IGF2R: variants seen among roughly 807,000 people sequenced by gnomAD.
IGF2R encodes the protein insulin like growth factor 2 receptor.
Under a neutral mutation model 270.6 loss-of-function variants are expected in IGF2R, and 91 were observed. The ratio of observed to expected loss-of-function variants is 0.34; its 90% confidence interval spans 0.28 to 0.40. The LOEUF is 0.40. Among genes scored for constraint, IGF2R ranks in the 10% least tolerant of loss-of-function variants. The pLI is 1.00. For missense variants in IGF2R, 2,805 were observed against 3,188.3 expected, an observed-to-expected ratio of 0.88 and a Z score of 2.90; for synonymous variants, 1,316 against 1,258.9, an observed-to-expected ratio of 1.05 and a Z score of -0.96.
chr6:160,081,806 C>T (rs140764310), intron 39 of IGF2R, among the ~76,000 whole-genome samples: 2 of 152,356 alleles, frequency 1.3e-5, no homozygotes, highest in East Asian at 3.9e-4. Context: ...AAATATGGCT[C>T]TGTCCTCACC....
At chr6:160,066,910 C>T (rs1778596764) in intron 29 of IGF2R, among the ~76,000 whole-genome samples, 1 of 152,222 alleles carries the variant, frequency 6.6e-6, no homozygotes, top group African/African-American at 2.4e-5. Flanking sequence ...GGTTTGGGCA[C>T]TCCTCCTCTC....
intron 2 of IGF2R, among the ~76,000 whole-genome samples, chr6:160,001,344 C>A (rs895934889): frequency 3.9e-5 from 6 of 151,966 alleles, no homozygotes; most frequent in African/African-American, 1.4e-4. Context: ...TTGTCAGTGT[C>A]TCCCATCACC....
At chr6:160,098,767 C>A (rs564919381) in intron 45 of IGF2R, among the ~76,000 whole-genome samples, 21 of 152,132 alleles carry the variant, frequency 1.4e-4, no homozygotes, top group African/African-American at 4.3e-4. Flanking sequence ...TGCAGTGAGC[C>A]GAGATGGCGT....
chr6:160,029,874 T>G (rs775970428), intron 7 of IGF2R, among the ~76,000 whole-genome samples: 5 of 152,212 alleles, frequency 3.3e-5, no homozygotes, highest in Non-Finnish European at 5.9e-5. Context: ...GCCTTTTGCT[T>G]TTTTACAGCA....
chr6:160,021,449 G>C (rs1031156305), intron 4 of IGF2R, among the ~76,000 whole-genome samples: 3 of 112,464 alleles, frequency 2.7e-5, no homozygotes, highest in Non-Finnish European at 3.5e-5. Context: ...GTTGTGGGGT[G>C]GGGGGCGGGG....
intron 20 of IGF2R, among the ~76,000 whole-genome samples, chr6:160,057,729 A>G (rs1778344751): frequency 6.6e-6 from 1 of 152,192 alleles, no homozygotes; most frequent in Admixed American, 6.5e-5. Flanking sequence ...TGAGTCTTAT[A>G]TTTCCTCTCC....
rs781647023 is a variant in IGF2R, at chr6:160,104,876, C to G, written c.7268C>G (p.Ser2423Trp). 4 of 1,614,132 alleles carry G rather than the reference C, an allele frequency of 2.5e-6. No homozygotes were observed. Among genetic ancestry groups the G allele is most frequent in the Non-Finnish European group, 1.7e-6 (2 of 1,180,022 alleles). The change falls in exon 48 of 48, where the codon TCG becomes TGG. Residue 2423 changes from serine to tryptophan, a missense_variant. Physicochemically the swap from Ser to Trp is radical, Grantham distance 177 (BLOSUM62 -3). Coordinates refer to ENST00000356956, the MANE Select transcript of IGF2R (RefSeq NM_000876.4). ...VLTIPEVKVHSGRGAGAESSH... is the reference protein window; with the variant it reads ...VLTIPEVKVHWGRGAGAESSH... ...ACCATCCCAGAGGTGAAAGTTCACT[C>G]GGGCAGGGGAGCTGGGGCAGAGAGC...
chr6:159,987,132 T>C (rs1423922158), intron 1 of IGF2R, among the ~76,000 whole-genome samples: 1 of 152,252 alleles, frequency 6.6e-6, no homozygotes, highest in Non-Finnish European at 1.5e-5. Flanking sequence ...GCCTTTAATC[T>C]GAAAAGAAAT....
intron 4 of IGF2R, among the ~76,000 whole-genome samples, chr6:160,019,723 C>T (rs1777388923): frequency 6.6e-6 from 1 of 152,100 alleles, no homozygotes; most frequent in Admixed American, 6.5e-5. Context: ...CTGACCATCT[C>T]AGGAGATACA....
chr6:160,073,135 G>C, intron 33 of IGF2R, 78 bp from the exon 34 acceptor site: 3 of 1,565,218 alleles, frequency 1.9e-6, no homozygotes, highest in Middle Eastern at 1.7e-4. Context: ...TGATGGTCCT[G>C]ACTTGCGAAA....
At position 160,089,313 on chromosome 6, in the gene IGF2R, C is replaced by G; in HGVS notation, c.6467+60C>G. ...GTGTTCAAAATTAAACCAGCAATGCCGCTCTTTCCCTATCGGGGAGCACTG... is the reference window on the plus strand; with the variant it reads ...GTGTTCAAAATTAAACCAGCAATGCGGCTCTTTCCCTATCGGGGAGCACTG... On this transcript the variant is annotated intron_variant, in intron 43 of 47. Coordinates refer to ENST00000356956, the MANE Select transcript of IGF2R (RefSeq NM_000876.4). 2.7e-6 allele frequency: 4 copies of G among 1,473,460 alleles called. No individual in the cohort carries two copies. In the South Asian group the frequency reaches 3.7e-5, roughly 14 times the overall value. 91.3% of individuals were successfully genotyped at this position (1,473,460 alleles called of 1,614,324 possible). A position where few individuals can be genotyped will look rare whatever the true frequency, so the allele number is the denominator to read the frequency against.
intron 44 of IGF2R, among the ~76,000 whole-genome samples, chr6:160,090,791 G>A (rs1488126930): frequency 6.6e-6 from 1 of 152,276 alleles, no homozygotes; most frequent in Non-Finnish European, 1.5e-5. Context: ...TGCCGATCAT[G>A]TCCTCTGGGA....
At chr6:160,098,112 A>G (rs1583306404) in intron 45 of IGF2R, among the ~76,000 whole-genome samples, 1 of 152,338 alleles carries the variant, frequency 6.6e-6, no homozygotes, top group East Asian at 1.9e-4. Flanking sequence ...GAGAGGCTAC[A>G]GCTGCCATGA....
At chr6:159,980,722 C>T (rs1762074132) in intron 1 of IGF2R, among the ~76,000 whole-genome samples, 3 of 151,954 alleles carry the variant, frequency 2.0e-5, no homozygotes, top group Admixed American at 2.0e-4. Context: ...TTGCACACTC[C>T]AGGAAGGGCC....
intron 26 of IGF2R, among the ~76,000 whole-genome samples, chr6:160,062,936 A>T (rs1778473057): frequency 7.1e-6 from 1 of 140,404 alleles, no homozygotes. Context: ...TTTCCTAGAA[A>T]GCTGTTTGCC....
rs1369932483 is a variant in IGF2R at position 160,078,376 on chromosome 6, C to T, written c.5478+14C>T. On this transcript the variant is annotated intron_variant, in intron 37 of 47. Transcript: ENST00000356956. ...AGCACCTTTAAGGTAATGCGTTCAC[C>T]CTGGGCGTTGCTGGTGCAGGTGTAC... The T allele has an allele frequency of 3.7e-6, 6 of 1,610,812 alleles. No individual in the cohort carries two copies. The Admixed American group carries it at 1.0e-4, about 27-fold the overall frequency.
chr6:160,065,812 GTGTATATATATA>G lies in IGF2R; in HGVS notation c.4115+913_4115+924del, dbSNP rs1210876079. Reference sequence around the variant, plus strand: ...TGTGTGTGTGTGTGTGTGTGTGTGTGTGTATATATATATATATATATATATATATATATGTAT... The same window carrying G: ...TGTGTGTGTGTGTGTGTGTGTGTGTGTATATATATATATATATATATGTAT... On this transcript the variant is annotated intron_variant, in intron 29 of 47. Transcript: ENST00000356956. Among the ~76,000 whole-genome samples, 5 of 69,362 alleles carry G rather than the reference GTGTATATATATA, an allele frequency of 7.2e-5. 1 individual carries two copies. In the South Asian group the frequency reaches 1.5e-3, roughly 21 times the overall value. 45.5% of individuals were successfully genotyped at this position (69,362 alleles called of 152,430 possible). A position where few individuals can be genotyped will look rare whatever the true frequency, so the allele number is the denominator to read the frequency against.
rs1583233005 is a variant in IGF2R at position 159,969,225 on chromosome 6, C to G, written c.-22C>G. ...CGCGCGCCGTTAGCCTCGCGCCCGC[C>G]GCGCAGTCCGGGCCCGGCGCGATGG... On this transcript the variant is annotated 5_prime_UTR_variant, in exon 1 of 48. Coordinates refer to ENST00000356956, the MANE Select transcript of IGF2R (RefSeq NM_000876.4). The G allele has an allele frequency of 2.0e-6, 2 of 988,134 alleles. No homozygotes were observed. Among genetic ancestry groups the G allele is most frequent in the Non-Finnish European group, 2.4e-6 (2 of 832,666 alleles). The allele number at this position is 988,134 out of a possible 1,614,324, so 61.2% of individuals were successfully genotyped here. A position where few individuals can be genotyped will look rare whatever the true frequency, so the allele number is the denominator to read the frequency against.
At position 160,068,380 on chromosome 6, in the gene IGF2R, G is replaced by C; in HGVS notation, c.4247G>C (p.Gly1416Ala). 6.2e-7 allele frequency: 1 copy of C among 1,613,872 alleles called. No individual in the cohort carries two copies. Among genetic ancestry groups the C allele is most frequent in the South Asian group, 1.1e-5 (1 of 91,066 alleles). Residue 1416 changes from glycine to alanine, a missense_variant, in exon 30 of 48, where the codon GGC becomes GCC. Coordinates refer to ENST00000356956, the MANE Select transcript of IGF2R (RefSeq NM_000876.4). ...NVCKSLAPQA[G>A]TEPCPPEAAA... is the part of the protein sequence containing the mutation. The stretch of plus-strand genomic sequence containing the variant: ...TGCAAGTCTCTGGCCCCGCAGGCTG[G>C]CACTGGTGAGAGAGGGCCTCCTCGT...
Sources: allele counts gnomAD v4.1 joint callset (sites outside exome capture counted in the v4.1 genomes callset), GRCh38; gene constraint gnomAD v4.1.1; transcripts MANE v1.5; gene names NCBI Gene and HGNC (gene_info 2026-07-23, HGNC 2026-07-21).